DOCK2: variants seen among roughly 807,000 people sequenced by gnomAD.
DOCK2 encodes dedicator of cytokinesis protein 2.
DOCK2 carries 87 observed loss-of-function variants against 248.9 expected under a neutral mutation model. The ratio of observed to expected loss-of-function variants is 0.35; its 90% confidence interval spans 0.29 to 0.42. DOCK2 has a LOEUF of 0.42. Among genes scored for constraint, DOCK2 ranks in the 10% least tolerant of loss-of-function variants. DOCK2 has a pLI of 1.00. For synonymous variants in DOCK2, 805 were observed against 821.6 expected, an observed-to-expected ratio of 0.98 and a Z score of 0.35; for missense variants, 1,747 against 2,300.2, an observed-to-expected ratio of 0.76 and a Z score of 4.92.
At chr5:170,055,779 T>G (rs58635053) in intron 42 of DOCK2, among the ~76,000 whole-genome samples, 15,632 of 152,250 alleles carry the variant, frequency 0.1, 1,096 homozygotes, top group African/African-American at 0.19. Flanking sequence ...GAGCACATGC[T>G]CCCAGAGGGA....
intron 26 of DOCK2, among the ~76,000 whole-genome samples, chr5:169,831,089 A>G (rs1769197411): frequency 6.6e-6 from 1 of 152,188 alleles, no homozygotes; most frequent in African/African-American, 2.4e-5. Context: ...ATTTCCAACA[A>G]AACATAGCAA....
intron 15 of DOCK2, among the ~76,000 whole-genome samples, chr5:169,709,307 A>G (rs954005431): frequency 5.3e-5 from 8 of 152,158 alleles, no homozygotes; most frequent in East Asian, 1.9e-4. Flanking sequence ...GAGGGAAGGT[A>G]TAGTTGTTCC....
At chr5:169,968,141 C>G (rs1407969727) in intron 27 of DOCK2, among the ~76,000 whole-genome samples, 1 of 152,208 alleles carries the variant, frequency 6.6e-6, no homozygotes, top group Non-Finnish European at 1.5e-5. Context: ...AAGCTGACAA[C>G]ACTTTGTAAT....
rs759412363 is a variant in DOCK2, at chr5:169,717,493, T to G, written c.2132+9T>G. The stretch of plus-strand genomic sequence containing the variant: ...GCGACCTTGGCTTACAAGTAAGTAA[T>G]TGTGCACATGGGAACTTCTTCTCTA... On this transcript the variant is annotated intron_variant, in intron 21 of 51. Transcript: ENST00000520908. The G allele has an allele frequency of 1.4e-5, 23 of 1,612,904 alleles. No homozygotes were observed. Among genetic ancestry groups the G allele is most frequent in the Non-Finnish European group, 1.8e-5 (21 of 1,178,984 alleles).
chr5:170,013,500 CAG>C (rs953431999), intron 32 of DOCK2, among the ~76,000 whole-genome samples: 1 of 151,942 alleles, frequency 6.6e-6, no homozygotes, highest in Non-Finnish European at 1.5e-5. Flanking sequence ...AAATCAGAGT[CAG>C]AGAGCAATTT....
chr5:169,824,086 G>A (rs1161942230), intron 26 of DOCK2, among the ~76,000 whole-genome samples: 2 of 152,114 alleles, frequency 1.3e-5, no homozygotes, highest in African/African-American at 4.8e-5. Flanking sequence ...ACCTCTTCAA[G>A]GAGAACTACA....
intron 29 of DOCK2, among the ~76,000 whole-genome samples, chr5:169,990,974 G>A (rs554730987): frequency 1.3e-5 from 2 of 152,354 alleles, no homozygotes; most frequent in Non-Finnish European, 2.9e-5. Context: ...CATGTACTGA[G>A]GACATCTGTG....
At chr5:169,926,392 A>T (rs561851910) in intron 27 of DOCK2, among the ~76,000 whole-genome samples, 145 of 152,344 alleles carry the variant, frequency 9.5e-4, no homozygotes, top group African/African-American at 3.3e-3. Context: ...ACTGCCATAT[A>T]CATGCTGGCA....
At chr5:169,799,034 C>A (rs1766817015) in intron 25 of DOCK2, among the ~76,000 whole-genome samples, 1 of 152,210 alleles carries the variant, frequency 6.6e-6, no homozygotes, top group South Asian at 2.1e-4. Flanking sequence ...TTAGCTTCAG[C>A]AGAATCCAAA....
At chr5:169,941,832 A>AC (rs1776257612) in intron 27 of DOCK2, among the ~76,000 whole-genome samples, 1 of 152,038 alleles carries the variant, frequency 6.6e-6, no homozygotes, top group Non-Finnish European at 1.5e-5. Flanking sequence ...CCAGAATAGA[A>AC]CCCCACTTCC....
rs542683633 is a variant in DOCK2, at chr5:169,695,375, T to C, written c.844-428T>C. 2.3e-4 allele frequency: 41 copies of C among 174,904 alleles called. 1 individual carries two copies. Among genetic ancestry groups the C allele is most frequent in the Non-Finnish European group, 4.1e-4 (34 of 83,462 alleles). 10.8% of individuals were successfully genotyped at this position (174,904 alleles called of 1,614,324 possible). A position where few individuals can be genotyped will look rare whatever the true frequency, so the allele number is the denominator to read the frequency against. On this transcript the variant is annotated intron_variant, in intron 9 of 51. Transcript: ENST00000520908. ...GATGTGCAGGAAATGGTAGCTGTTA[T>C]GATTTTTTTCTCTTCCTTTTGTCTT...
intron 30 of DOCK2, 23 bp from the exon 31 acceptor site, chr5:170,008,474 G>T: frequency 6.2e-7 from 1 of 1,613,492 alleles, no homozygotes; most frequent in Non-Finnish European, 8.5e-7. Context: ...CTCCATAACT[G>T]TTCTCTGCTC....
intron 27 of DOCK2, among the ~76,000 whole-genome samples, chr5:169,877,473 A>C (rs1019447290): frequency 5.3e-5 from 8 of 152,326 alleles, no homozygotes; most frequent in African/African-American, 1.9e-4. Context: ...TGGCATATGA[A>C]GAGAAAGTCA....
At chr5:169,897,970 G>A (rs188011368) in intron 27 of DOCK2, among the ~76,000 whole-genome samples, 1 of 152,318 alleles carries the variant, frequency 6.6e-6, no homozygotes, top group East Asian at 1.9e-4. Flanking sequence ...AGGCTAGCTA[G>A]AGCAATCAAA....
intron 26 of DOCK2, among the ~76,000 whole-genome samples, chr5:169,823,256 C>G (rs1172665955): frequency 6.6e-6 from 1 of 152,118 alleles, no homozygotes; most frequent in Non-Finnish European, 1.5e-5. Flanking sequence ...GAGAATCCTC[C>G]CTAACTCATT....
chr5:170,080,430 C>A, intron 50 of DOCK2, 147 bp downstream of exon 50: 2 of 1,238,434 alleles, frequency 1.6e-6, no homozygotes, highest in Middle Eastern at 2.8e-4. Flanking sequence ...GCCACCCACC[C>A]TCTAATCTCT....
chr5:169,829,685 A>G (rs1251205804), intron 26 of DOCK2, among the ~76,000 whole-genome samples: 1 of 152,234 alleles, frequency 6.6e-6, no homozygotes, highest in Non-Finnish European at 1.5e-5. Context: ...TTGCTTAAGT[A>G]TTTAGAAAAT....
intron 44 of DOCK2, among the ~76,000 whole-genome samples, chr5:170,059,889 G>C (rs1757271829): frequency 6.6e-6 from 1 of 152,154 alleles, no homozygotes; most frequent in African/African-American, 2.4e-5. Flanking sequence ...GATGGCATTG[G>C]GGAAACCTTC....
rs145849759 is a variant in DOCK2, at chr5:169,965,634, C to T, written c.2800-17434C>T. On this transcript the variant is annotated intron_variant, in intron 27 of 51. Coordinates refer to ENST00000520908, the MANE Select transcript of DOCK2 (RefSeq NM_004946.3). ...GCTGGTGGCAGGTAATTCTAATGTG[C>T]AGCAGAGTTTAGGAACCATGGCCTC... 1.5e-3 allele frequency among the ~76,000 whole-genome samples: 222 copies of T among 152,250 alleles called. 5 individuals carry two copies. The East Asian group carries it at 0.03, about 21-fold the overall frequency.
Sources: allele counts gnomAD v4.1 joint callset (sites outside exome capture counted in the v4.1 genomes callset), GRCh38; gene constraint gnomAD v4.1.1; transcripts MANE v1.5; gene names NCBI Gene and HGNC (gene_info 2026-07-23, HGNC 2026-07-21).